Variants in FYCO1 observed in about 807,000 individuals in gnomAD.
The protein encoded by FYCO1 is FYVE and coiled-coil domain-containing protein 1.
FYCO1 carries 122 observed loss-of-function variants against 165.1 expected under a neutral mutation model. That is an observed-to-expected ratio of 0.74 (90% confidence interval 0.64 to 0.86). The LOEUF (loss-of-function observed/expected upper bound fraction) is 0.86. FYCO1 is among the 40% of genes least tolerant of loss of function. FYCO1 has a pLI of 0.00. For missense variants in FYCO1, 1,702 were observed against 1,810.3 expected (o/e 0.94, Z 1.09); for synonymous variants, 648 against 742.5 (o/e 0.87, Z 2.07).
chr3:45,993,565 A>G lies in FYCO1; in HGVS notation c.-113+2157T>C, dbSNP rs1020781411. 6.6e-6 allele frequency among the ~76,000 whole-genome samples: 1 copy of G among 152,232 alleles called. No homozygotes were observed. Among genetic ancestry groups the G allele is most frequent in the Non-Finnish European group, 1.5e-5 (1 of 68,044 alleles). The stretch of plus-strand genomic sequence containing the variant: ...TTTTCTTGAAACTGGCATTGAGCTC[A>G]CAAACAAAATACTGTTTATCTTTTG... On this transcript the variant is annotated intron_variant, in intron 1 of 17. Coordinates refer to ENST00000296137, the MANE Select transcript of FYCO1 (RefSeq NM_024513.4). This position sits in a 1 kb window ranked among gnomAD's most constrained non-coding sequence, Gnocchi z 4.4.
intron 5 of FYCO1, among the ~76,000 whole-genome samples, chr3:45,974,924 G>A (rs945511065): frequency 6.6e-6 from 1 of 152,198 alleles, no homozygotes; most frequent in African/African-American, 2.4e-5. Flanking sequence ...CTGTCCAGTA[G>A]TGCTGGCACC....
At chr3:45,945,487 A>T (rs1704529273) in intron 14 of FYCO1, 1 of 152,184 alleles carries the variant, frequency 6.6e-6, no homozygotes, top group Admixed American at 6.5e-5. Flanking sequence ...GGTCAGAGAG[A>T]AGTGACATCT....
intron 14 of FYCO1, among the ~76,000 whole-genome samples, chr3:45,952,726 T>A (rs1705101320): frequency 6.6e-6 from 1 of 151,394 alleles, no homozygotes; most frequent in Non-Finnish European, 1.5e-5. Context: ...GAGAGAGAGC[T>A]GTAGGATAGT....
rs1702979800 is a variant in FYCO1, at chr3:45,918,248, T to C, written c.*3517A>G. 6.6e-6 allele frequency: 1 copy of C among 152,616 alleles called. No individual in the cohort carries two copies. The allele number at this position is 152,616 out of a possible 1,614,324, so 9.5% of individuals were successfully genotyped here. A position where few individuals can be genotyped will look rare whatever the true frequency, so the allele number is the denominator to read the frequency against. On this transcript the variant is annotated 3_prime_UTR_variant, in exon 18 of 18. Transcript: ENST00000296137. The stretch of plus-strand genomic sequence containing the variant: ...ACATACATCAAGCAGCCTTTTTCTT[T>C]TTTTAAATCAGAGATGCCTCCCCAA...
chr3:45,931,168 C>G lies in FYCO1; in HGVS notation c.4154G>C (p.Gly1385Ala), dbSNP rs767162193. The G allele has an allele frequency of 1.2e-6, 2 of 1,614,096 alleles. No homozygotes were observed. The highest frequency in any genetic ancestry group is 1.7e-5 in the Admixed American group (1 of 60,028). ...SLIPITVAEAGLTISWVFSSD... is the reference protein window; with the variant it reads ...SLIPITVAEAALTISWVFSSD... ...GGAGAAGACCCAGCTGATGGTGAGG[C>G]CTGCCTCGGCCACAGTGATGGGGAT... The change falls in exon 16 of 18, where the codon GGC becomes GCC. Residue 1385 changes from glycine (G) to alanine (A), a missense_variant. Coordinates refer to ENST00000296137, the MANE Select transcript of FYCO1 (RefSeq NM_024513.4).
intron 4 of FYCO1, among the ~76,000 whole-genome samples, chr3:45,977,602 C>G (rs1706839825): frequency 6.6e-6 from 1 of 151,586 alleles, no homozygotes; most frequent in South Asian, 2.1e-4. Flanking sequence ...ACAATGGCAG[C>G]AAAGGACAGG....
At chr3:45,958,284 C>T (rs1705468747) in intron 13 of FYCO1, 124 bp downstream of exon 13, 2 of 795,950 alleles carry the variant, frequency 2.5e-6, no homozygotes, top group African/African-American at 1.7e-5. Flanking sequence ...TATTTTAGCA[C>T]CTCTTTAATA....
At chr3:45,957,915 T>A (rs1446469558) in intron 13 of FYCO1, among the ~76,000 whole-genome samples, 1 of 152,224 alleles carries the variant, frequency 6.6e-6, no homozygotes, top group Non-Finnish European at 1.5e-5. Context: ...TCTGCTAGGG[T>A]GTGCTCAAAA....
In FYCO1 at chr3:45,966,417, C is replaced by A. The variant is rs369064639; in HGVS notation, c.2917G>T (p.Gly973Cys). ...EKLKAAKAAA[G>C]SLPGLQAQLA... The stretch of plus-strand genomic sequence containing the variant: ...TGGGCCTGCAGGCCAGGCAGTGAGC[C>A]GGCTGCTGCCTTGGCCGCCTTCAGC... The change falls in exon 8 of 18, where the codon GGC becomes TGC. Residue 973 changes from glycine (G) to cysteine (C), a missense_variant. Physicochemically the swap from Gly to Cys is radical, Grantham distance 159. Transcript: ENST00000296137. 6.2e-7 allele frequency: 1 copy of A among 1,613,272 alleles called. No individual in the cohort carries two copies. Among genetic ancestry groups the A allele is most frequent in the South Asian group, 1.1e-5 (1 of 91,048 alleles).
At chr3:45,952,981 G>A (rs1438263052) in intron 14 of FYCO1, among the ~76,000 whole-genome samples, 2 of 152,164 alleles carry the variant, frequency 1.3e-5, no homozygotes, top group African/African-American at 2.4e-5. Context: ...GGTGTCCCAG[G>A]AAGGAAAGGA....
intron 14 of FYCO1, among the ~76,000 whole-genome samples, chr3:45,950,740 C>T (rs577983190): frequency 4.6e-5 from 7 of 152,336 alleles, no homozygotes; most frequent in Middle Eastern, 3.4e-3. Context: ...GCTAGGACTA[C>T]AATCTCAGTA....
At chr3:45,933,994 A>T (rs9989992) in intron 15 of FYCO1, among the ~76,000 whole-genome samples, 51,782 of 136,554 alleles carry the variant, frequency 0.38, 10,577 homozygotes, top group East Asian at 0.66. Flanking sequence ...TAACCAAAAT[A>T]AAAAAAAAAT....
Position 45,958,579 on chromosome 3 carries a change from A to G in FYCO1, c.3628T>C (p.Tyr1210His), listed in dbSNP as rs754860781. The G allele has an allele frequency of 1.9e-6, 3 of 1,614,094 alleles. No homozygotes were observed. The highest frequency in any genetic ancestry group is 2.5e-6 in the Non-Finnish European group (3 of 1,180,034). Residue 1210 changes from tyrosine to histidine, a missense_variant, in exon 13 of 18, where the codon TAC (tyrosine) becomes CAC (histidine). Physicochemically the swap from Tyr to His is moderately conservative, Grantham distance 83 (BLOSUM62 2). Transcript: ENST00000296137. ...TTGCCACCGTGCTTGCTCAGGACGT[A>G]GTTGTTGCAGCAGTAGTAACAGAAG... ...RIFCYYCCNN[Y>H]VLSKHGGKKE...
At chr3:45,947,648 G>C in intron 14 of FYCO1, 1 of 690,400 alleles carries the variant, frequency 1.4e-6, no homozygotes, top group South Asian at 1.9e-5. Context: ...GGTTTGGAAT[G>C]CTTCTTCTCA....
rs886058567 is a variant in FYCO1 at position 45,966,402 on chromosome 3, G to C, written c.2932C>G (p.Leu978Val). ...TCTGCCTGGGCGAGCTGGGCCTGCA[G>C]GCCAGGCAGTGAGCCGGCTGCTGCC... is the stretch of plus-strand genomic sequence containing the variant. ...AKAAAGSLPG[L>V]QAQLAQAEQR... Residue 978 changes from leucine to valine, a missense_variant, in exon 8 of 18, where the codon CTG becomes GTG. Transcript: ENST00000296137. 1 of 1,613,674 alleles carries C rather than the reference G, an allele frequency of 6.2e-7. No homozygotes were observed. Among genetic ancestry groups the C allele is most frequent in the East Asian group, 2.2e-5 (1 of 44,870 alleles).
At chr3:45,926,370 A>G (rs1703317488) in intron 16 of FYCO1, among the ~76,000 whole-genome samples, 1 of 152,260 alleles carries the variant, frequency 6.6e-6, no homozygotes. Context: ...TGACTGTATT[A>G]ATATTACATA....
At chr3:45,924,951 A>G (rs1008167054) in intron 16 of FYCO1, among the ~76,000 whole-genome samples, 2 of 147,104 alleles carry the variant, frequency 1.4e-5, no homozygotes, top group Non-Finnish European at 3.0e-5. Flanking sequence ...TTTTTTTAAG[A>G]TGGAGTCTCA....
At chr3:45,950,261 A>T (rs1475894623) in intron 14 of FYCO1, among the ~76,000 whole-genome samples, 1 of 150,950 alleles carries the variant, frequency 6.6e-6, no homozygotes, top group East Asian at 2.0e-4. Context: ...AGGGTAAAGG[A>T]TGTGCTCTTT....
intron 14 of FYCO1, chr3:45,945,191 A>T (rs1704506394): frequency 6.6e-6 from 1 of 152,198 alleles, no homozygotes; most frequent in South Asian, 2.1e-4. Flanking sequence ...AGGTAACCTC[A>T]TCGTTTATAT....
Sources: gnomAD v4.1 joint callset for allele counts (sites outside exome capture counted in the v4.1 genomes callset) on GRCh38, gnomAD v4.1.1 for gene constraint, Gnocchi (gnomAD v3.1) non-coding constraint, MANE v1.5 for transcripts, NCBI Gene and HGNC (gene_info 2026-07-23, HGNC 2026-07-21) for gene names.